The following STARD9 variants were observed in gnomAD, a reference collection of about 807,000 sequenced individuals.
The protein encoded by STARD9 is stAR-related lipid transfer protein 9.
In STARD9, 346 loss-of-function variants were observed where a neutral mutation model predicts 399.8. That is an observed-to-expected ratio of 0.87 (90% CI 0.79 to 0.95). STARD9 has a LOEUF of 0.95. Among genes scored for constraint, STARD9 ranks in the 40% least tolerant of loss-of-function variants. The pLI is 0.00. For synonymous variants in STARD9, 2,203 were observed against 2,143.5 expected (o/e 1.03, Z -0.77); for missense variants, 5,832 against 5,667.5 (o/e 1.03, Z -0.93).
chr15:42,654,613 C>T (rs1473629525), intron 9 of STARD9, among the ~76,000 whole-genome samples: 1 of 152,026 alleles, frequency 6.6e-6, no homozygotes, highest in African/African-American at 2.4e-5. Context: ...GTACATGAAT[C>T]AGTAGCTGTG....
chr15:42,687,668 A>G lies in STARD9; in HGVS notation c.6090A>G (p.Arg2030=), dbSNP rs562414052. 2.6e-6 allele frequency: 4 copies of G among 1,537,138 alleles called. No homozygotes were observed. In the African/African-American group the frequency reaches 5.5e-5, roughly 21 times the overall value. The part of the protein sequence containing the change: ...CKSQEMLNPN[R]EPSGKKQNKR... Reference sequence around the variant, plus strand: ...CACAAGAAATGTTAAATCCCAACAGAGAACCTTCTGGAAAGAAACAGAATA... The same window carrying G: ...CACAAGAAATGTTAAATCCCAACAGGGAACCTTCTGGAAAGAAACAGAATA... Residue 2030 remains arginine (R), a synonymous_variant, in exon 23 of 33, where the codon AGA becomes AGG. Coordinates refer to ENST00000290607, the MANE Select transcript of STARD9 (RefSeq NM_020759.3).
chr15:42,666,800 G>A (rs569606055), intron 15 of STARD9, among the ~76,000 whole-genome samples: 12 of 152,118 alleles, frequency 7.9e-5, no homozygotes, highest in South Asian at 4.2e-4. Context: ...GTGATTCCCA[G>A]AGACATTTTT....
chr15:42,702,086 ATAT>A (rs1225023392), intron 26 of STARD9, among the ~76,000 whole-genome samples: 1 of 151,842 alleles, frequency 6.6e-6, no homozygotes, highest in East Asian at 1.9e-4. Flanking sequence ...TCGCTAACAG[ATAT>A]TAGGCATTCT....
intron 9 of STARD9, among the ~76,000 whole-genome samples, chr15:42,656,976 G>C (rs1249381665): frequency 6.6e-6 from 1 of 152,124 alleles, no homozygotes; most frequent in Non-Finnish European, 1.5e-5. Flanking sequence ...CATGTAACCA[G>C]ACACCATCTG....
At chr15:42,651,197 G>T in intron 8 of STARD9, 112 bp downstream of exon 8, 1 of 689,344 alleles carries the variant, frequency 1.5e-6, no homozygotes, top group Non-Finnish European at 2.3e-6. Flanking sequence ...TGTGTGTAGA[G>T]ATGTTCACAA....
At chr15:42,580,336 A>G (rs1386053036) in intron 1 of STARD9, among the ~76,000 whole-genome samples, 1 of 152,198 alleles carries the variant, frequency 6.6e-6, no homozygotes, top group African/African-American at 2.4e-5. Context: ...CCAAGCCCAG[A>G]ATCTTGCAAC....
chr15:42,658,117 G>A (rs977021702), intron 9 of STARD9, among the ~76,000 whole-genome samples: 4 of 152,014 alleles, frequency 2.6e-5, no homozygotes, highest in East Asian at 1.9e-4. Flanking sequence ...AATTGAAATC[G>A]AGTTAATCAC....
intron 3 of STARD9, among the ~76,000 whole-genome samples, chr15:42,613,875 G>A (rs890483652): frequency 6.6e-6 from 1 of 152,012 alleles, no homozygotes. Flanking sequence ...TGAGGGAGGA[G>A]GATCACTTGA....
chr15:42,611,245 T>C (rs1428833469), intron 3 of STARD9, among the ~76,000 whole-genome samples: 4 of 152,258 alleles, frequency 2.6e-5, no homozygotes, highest in African/African-American at 4.8e-5. Flanking sequence ...TGATTTTGTA[T>C]ACTACAAAGA....
chr15:42,672,203 C>A, intron 16 of STARD9: 1 of 152,412 alleles, frequency 6.6e-6, no homozygotes, highest in Non-Finnish European at 1.5e-5. Context: ...TAGAACTAGT[C>A]CCTGGCAACT....
chr15:42,701,523 T>C (rs1595806062), intron 26 of STARD9, among the ~76,000 whole-genome samples: 1 of 152,240 alleles, frequency 6.6e-6, no homozygotes, highest in East Asian at 1.9e-4. Context: ...ATTGTGTTCT[T>C]GCTTTCCTTT....
chr15:42,696,071 C>A (rs2060840930), intron 26 of STARD9, among the ~76,000 whole-genome samples, 191 bp downstream of exon 26: 1 of 152,234 alleles, frequency 6.6e-6, no homozygotes, highest in East Asian at 1.9e-4. Flanking sequence ...TCTGTTCATT[C>A]ATTCAACAAA....
chr15:42,645,032 C>T (rs186391506), intron 7 of STARD9, among the ~76,000 whole-genome samples: 55 of 152,272 alleles, frequency 3.6e-4, no homozygotes, highest in African/African-American at 1.2e-3. Flanking sequence ...TTGATAGTTC[C>T]ACCACTCTGG....
At chr15:42,655,774 AG>A (rs1441867286) in intron 9 of STARD9, among the ~76,000 whole-genome samples, 2 of 152,246 alleles carry the variant, frequency 1.3e-5, no homozygotes, top group African/African-American at 4.8e-5. Context: ...GCACAGCAAA[AG>A]AAATAATCAG....
At chr15:42,634,553 AT>A (rs1238287148) in intron 3 of STARD9, among the ~76,000 whole-genome samples, 1 of 152,190 alleles carries the variant, frequency 6.6e-6, no homozygotes, top group East Asian at 1.9e-4. Context: ...TTTTGCTTGC[AT>A]ATCTTTGCTC....
At chr15:42,641,498 A>G (rs2059536879) in intron 7 of STARD9, among the ~76,000 whole-genome samples, 1 of 150,480 alleles carries the variant, frequency 6.6e-6, no homozygotes, top group African/African-American at 2.4e-5. Flanking sequence ...TATATCTCCT[A>G]ATGCTTTCCC....
chr15:42,607,456 C>G (rs775555339), intron 3 of STARD9, among the ~76,000 whole-genome samples: 44 of 151,670 alleles, frequency 2.9e-4, no homozygotes, highest in Non-Finnish European at 4.6e-4. Context: ...GCCCACCTCA[C>G]CCTCCCAAAG....
intron 3 of STARD9, among the ~76,000 whole-genome samples, chr15:42,597,781 C>T (rs2058537122): frequency 6.6e-6 from 1 of 152,058 alleles, no homozygotes; most frequent in Non-Finnish European, 1.5e-5. Flanking sequence ...AGGTGATCTG[C>T]CCGACTTAGC....
Position 42,638,764 on chromosome 15 carries a change from T to C in STARD9, c.511T>C (p.Tyr171His), listed in dbSNP as rs1466227950. Residue 171 changes from tyrosine to histidine, a missense_variant, in exon 7 of 33, where the codon TAT becomes CAT. By Grantham distance (83) the Tyr-to-His change is moderately conservative. Coordinates refer to ENST00000290607, the MANE Select transcript of STARD9 (RefSeq NM_020759.3). ...GAAGCAATCTGGTCAAAAAAAGTCC[T>C]ATACCCTGCGGGTCAGGGAGCATCC... Reference protein sequence around the residue: ...LLKQSGQKKSYTLRVREHPEM... With the variant: ...LLKQSGQKKSHTLRVREHPEM... 1.3e-6 allele frequency: 2 copies of C among 1,536,670 alleles called. No individual in the cohort carries two copies. Among genetic ancestry groups the C allele is most frequent in the African/African-American group, 1.4e-5 (1 of 73,048 alleles).
Sources: gnomAD v4.1 joint callset for allele counts (sites outside exome capture counted in the v4.1 genomes callset) on GRCh38, gnomAD v4.1.1 for gene constraint, MANE v1.5 for transcripts, NCBI Gene and HGNC (gene_info 2026-07-23, HGNC 2026-07-21) for gene names.